The following NUP188 variants were observed in gnomAD, a reference collection of about 807,000 sequenced individuals.
NUP188 encodes the protein nucleoporin NUP188.
NUP188 carries 97 observed loss-of-function variants against 223.0 expected under a neutral mutation model. The observed-to-expected ratio is 0.43, with a 90% CI of 0.37 to 0.51. NUP188 has a LOEUF of 0.51. Ranked by LOEUF, NUP188 falls within the 20% of genes least tolerant of loss-of-function variation. The probability of loss-of-function intolerance (pLI) is 0.00; values close to 1 mark genes in which losing one functional copy is unlikely to be tolerated. For synonymous variants in NUP188, 869 were observed against 828.0 expected, an observed-to-expected ratio of 1.05 and a Z score of -0.85; for missense variants, 1,947 against 2,175.6, an observed-to-expected ratio of 0.89 and a Z score of 2.09.
In NUP188 at chr9:128,967,008, G is replaced by A. The variant is rs578047022; in HGVS notation, c.586-1498G>A. On this transcript the variant is annotated intron_variant, in intron 8 of 43. Coordinates refer to ENST00000372577, the MANE Select transcript of NUP188 (RefSeq NM_015354.3). ...CAAATAAAAGGATTAAAAATAGGGA[G>A]GGTTTTTGTGTGTGTGTGTGACAGA... Among the ~76,000 whole-genome samples the A allele has an allele frequency of 4.8e-4, 73 of 152,180 alleles. No individual in the cohort carries two copies. In the Middle Eastern group the frequency reaches 0.01, roughly 21 times the overall value.
At position 129,006,091 on chromosome 9, in the gene NUP188, C is replaced by T; in HGVS notation, c.4911C>T (p.Leu1637=). ...AGCCCCTCACCCAGGCAGTGGGGCT[C>T]AGCACACAGGCAGAAGGGACCAGGA... ...KKEPLTQAVG[L]STQAEGTRTL... The change falls in exon 42 of 44, where the codon CTC becomes CTT. Residue 1637 remains leucine (L), a synonymous_variant. Coordinates refer to ENST00000372577, the MANE Select transcript of NUP188 (RefSeq NM_015354.3). The T allele has an allele frequency of 1.2e-6, 2 of 1,614,170 alleles. No individual in the cohort carries two copies. Among genetic ancestry groups the T allele is most frequent in the Non-Finnish European group, 1.7e-6 (2 of 1,180,044 alleles).
rs776808982 is a variant in NUP188, at chr9:128,952,765, T to G, written c.88-8T>G. 13 of 1,611,720 alleles carry G rather than the reference T, an allele frequency of 8.1e-6. 1 individual carries two copies. In the South Asian group the frequency reaches 1.4e-4, roughly 18 times the overall value. ...CTGCATTTGTATAATTACCTTGTTC[T>G]TTTCCAGAGTCAGATTGAGGCAGAA... On this transcript the variant is annotated splice_region_variant and splice_polypyrimidine_tract_variant and intron_variant, in intron 2 of 43. Transcript: ENST00000372577.
At chr9:128,998,739 G>A (rs1036857234) in intron 32 of NUP188, 116 bp downstream of exon 32, 4 of 782,922 alleles carry the variant, frequency 5.1e-6, no homozygotes, top group Non-Finnish European at 8.7e-6. Flanking sequence ...CCATCTTGAG[G>A]AATGGGAGTG....
chr9:129,001,426 G>A (rs1391334964), intron 34 of NUP188, 103 bp from the exon 35 acceptor site: 1 of 969,678 alleles, frequency 1.0e-6, no homozygotes, highest in East Asian at 2.4e-5. Flanking sequence ...TTAGCAATGT[G>A]TGTAACCAAG....
chr9:128,957,915 TA>T (rs1012885355), intron 5 of NUP188, 94 bp from the exon 6 acceptor site: 3 of 926,480 alleles, frequency 3.2e-6, no homozygotes, highest in Non-Finnish European at 3.4e-6. Flanking sequence ...TGTGCAATTA[TA>T]ATCTTGAAGG....
intron 9 of NUP188, among the ~76,000 whole-genome samples, chr9:128,969,154 A>G (rs1293679039): frequency 6.6e-6 from 1 of 152,144 alleles, no homozygotes; most frequent in Non-Finnish European, 1.5e-5. Context: ...GCAAAGATAT[A>G]TACCAGTTAA....
intron 2 of NUP188, among the ~76,000 whole-genome samples, chr9:128,949,947 G>T (rs1841757282): frequency 7.7e-6 from 1 of 130,582 alleles, no homozygotes. Flanking sequence ...TTTTTTTTGA[G>T]GGGGGTGTCT....
intron 12 of NUP188, among the ~76,000 whole-genome samples, chr9:128,976,155 T>TA (rs894693359): frequency 6.6e-6 from 1 of 152,164 alleles, no homozygotes; most frequent in Non-Finnish European, 1.5e-5. Context: ...TACAAGATGT[T>TA]ACAGGATTAT....
At position 129,006,748 on chromosome 9, in the gene NUP188, C is replaced by A; in HGVS notation, c.*70C>A. 6.6e-7 allele frequency: 1 copy of A among 1,508,716 alleles called. No homozygotes were observed. Among genetic ancestry groups the A allele is most frequent in the South Asian group, 1.3e-5 (1 of 78,676 alleles). 93.5% of individuals were successfully genotyped at this position (1,508,716 alleles called of 1,614,324 possible). A position where few individuals can be genotyped will look rare whatever the true frequency, so the allele number is the denominator to read the frequency against. On this transcript the variant is annotated 3_prime_UTR_variant, in exon 44 of 44. Coordinates refer to ENST00000372577, the MANE Select transcript of NUP188 (RefSeq NM_015354.3). ...TGCACCCTGGCTGGCAGGGGTGCTG[C>A]TGGCTGCTAGGGCCTATACAATGGA...
At chr9:128,990,035 C>G (rs1377145037) in intron 24 of NUP188, 85 bp from the exon 25 acceptor site, 2 of 1,034,402 alleles carry the variant, frequency 1.9e-6, no homozygotes, top group Non-Finnish European at 3.1e-6. Flanking sequence ...CACATACACA[C>G]TGTGGGTCTT....
intron 5 of NUP188, 66 bp from the exon 6 acceptor site, chr9:128,957,944 A>T: frequency 8.5e-7 from 1 of 1,174,952 alleles, no homozygotes; most frequent in Non-Finnish European, 1.2e-6. Context: ...GAAGGTATCT[A>T]TCTTTTTTTA....
chr9:129,004,804 C>T (rs532607333), intron 38 of NUP188: 6 of 291,434 alleles, frequency 2.1e-5, no homozygotes, highest in Admixed American at 9.5e-5. Flanking sequence ...CACCCGGCCT[C>T]ATCTTCTTTA....
chr9:128,998,474 G>T, intron 31 of NUP188, 64 bp from the exon 32 acceptor site: 1 of 1,385,928 alleles, frequency 7.2e-7, no homozygotes, highest in Non-Finnish European at 1.0e-6. Flanking sequence ...GAGGCCGGAG[G>T]TGCCCTGTGG....
Position 128,970,846 on chromosome 9 carries a change from A to G in NUP188, c.1001A>G (p.Asn334Ser), listed in dbSNP as rs777957482. Residue 334 changes from asparagine to serine, a missense_variant, in exon 11 of 44, where the codon AAC (asparagine) becomes AGC (serine). Asn to Ser is a conservative substitution (Grantham distance 46). This residue lies in a region of NUP188 where 817 missense variants were observed against 865.8 expected (regional missense o/e 0.94). Transcript: ENST00000372577. Reference sequence around the variant, plus strand: ...TGGGCTCTCCTCCGTCACACTCTGAACCCAGAAGAGACAAGCAGTGTGGTC... The same window carrying G: ...TGGGCTCTCCTCCGTCACACTCTGAGCCCAGAAGAGACAAGCAGTGTGGTC... ...LAWALLRHTL[N>S]PEETSSVVRK... 1 of 1,614,070 alleles carries G rather than the reference A, an allele frequency of 6.2e-7. No individual in the cohort carries two copies. Among genetic ancestry groups the G allele is most frequent in the South Asian group, 1.1e-5 (1 of 91,072 alleles).
intron 13 of NUP188, 47 bp downstream of exon 13, chr9:128,979,374 A>G: frequency 1.4e-6 from 2 of 1,391,578 alleles, no homozygotes; most frequent in Non-Finnish European, 1.0e-6. Flanking sequence ...AATTGTTCAA[A>G]CACTTGTTTT....
chr9:128,965,954 C>T (rs980074732), intron 8 of NUP188, among the ~76,000 whole-genome samples: 13 of 151,536 alleles, frequency 8.6e-5, no homozygotes, highest in African/African-American at 4.8e-5. Flanking sequence ...CCCACCACCA[C>T]GCCCAGCTTT....
At chr9:129,005,023 G>A (rs1253440509) in intron 38 of NUP188, 124 bp from the exon 39 acceptor site, 1 of 708,994 alleles carries the variant, frequency 1.4e-6, no homozygotes, top group Non-Finnish European at 2.6e-6. Flanking sequence ...AGGGAAGGAG[G>A]GAGAGAAGAG....
rs1484960549 is a variant in NUP188, at chr9:128,993,419, G to A, written c.2847+16G>A. ...TGGCTCAAAGGTAAGCCTGTAACCT[G>A]GGATGACACTGGGAGTTGGCTCACT... On this transcript the variant is annotated intron_variant, in intron 26 of 43. Transcript: ENST00000372577. 1 of 1,613,508 alleles carries A rather than the reference G, an allele frequency of 6.2e-7. No individual in the cohort carries two copies. Among genetic ancestry groups the A allele is most frequent in the Non-Finnish European group, 8.5e-7 (1 of 1,179,538 alleles).
At chr9:128,983,178 G>C (rs773390591) in intron 17 of NUP188, 115 bp from the exon 18 acceptor site, 2 of 1,401,758 alleles carry the variant, frequency 1.4e-6, no homozygotes, top group Non-Finnish European at 2.0e-6. Context: ...GGGTTTTCCT[G>C]TTTTTATATG....
Sources: allele counts gnomAD v4.1 joint callset (sites outside exome capture counted in the v4.1 genomes callset), GRCh38; gene constraint gnomAD v4.1.1; regional missense constraint gnomAD v4.1.1; transcripts MANE v1.5; gene names NCBI Gene and HGNC (gene_info 2026-07-23, HGNC 2026-07-21).